Variants in IL7 observed in about 807,000 individuals in gnomAD.
The protein encoded by IL7 is interleukin-7.
IL7 carries 3 observed loss-of-function variants against 21.6 expected under a neutral mutation model. That is an observed-to-expected ratio of 0.14 (90% CI 0.06 to 0.36). The LOEUF is 0.36. IL7 is among the 10% of genes least tolerant of loss of function. The pLI, the probability that IL7 is intolerant of heterozygous loss-of-function variation, is 1.00. For synonymous variants in IL7, 62 were observed against 68.1 expected (o/e 0.91, Z 0.44); for missense variants, 175 against 200.2 (o/e 0.87, Z 0.76).
chr8:78,764,299 T>G lies in IL7; in HGVS notation c.148-24217A>C, dbSNP rs148414672. Among the ~76,000 whole-genome samples, 1,071 of 152,198 alleles carry G rather than the reference T, an allele frequency of 7.0e-3. 9 individuals are homozygous for G. Among genetic ancestry groups the G allele is most frequent in the Middle Eastern group, 0.02 (6 of 294 alleles). On this transcript the variant is annotated intron_variant, in intron 2 of 5. Transcript: ENST00000263851. ...TAAAAAAAAAGCTATCTCCCTTCAC[T>G]TCAGCTTTCAACATCTTACTGCAAA...
chr8:78,803,357 A>G (rs1411300286), intron 1 of IL7, among the ~76,000 whole-genome samples: 3 of 152,166 alleles, frequency 2.0e-5, no homozygotes, highest in African/African-American at 4.8e-5. Context: ...CCCAAACCAG[A>G]TAAGACAGTT....
chr8:78,781,822 T>C (rs1040020798), intron 2 of IL7, among the ~76,000 whole-genome samples: 4 of 152,188 alleles, frequency 2.6e-5, no homozygotes, highest in Non-Finnish European at 5.9e-5. Flanking sequence ...TTTTCCAAGT[T>C]AGTTCAATTC....
intron 1 of IL7, 37 bp from the exon 2 acceptor site, chr8:78,798,245 A>T: frequency 6.7e-7 from 1 of 1,488,956 alleles, no homozygotes. Flanking sequence ...GCTAAATGTT[A>T]TATCGTATTG....
chr8:78,715,144 A>T, downstream of IL7: 1 of 1,239,618 alleles, frequency 8.1e-7, no homozygotes, highest in Non-Finnish European at 1.1e-6. Context: ...TATTCTTTCT[A>T]GTCATGTGAA....
intron 3 of IL7, chr8:78,697,555 C>A: frequency 1.4e-6 from 2 of 1,420,154 alleles, no homozygotes; most frequent in African/African-American, 1.4e-5. Flanking sequence ...ACCATGTTGG[C>A]AGAGCAGGAA....
chr8:78,694,277 A>C (rs1344210488), intron 3 of IL7, among the ~76,000 whole-genome samples: 1 of 113,718 alleles, frequency 8.8e-6, no homozygotes, highest in African/African-American at 2.9e-5. Flanking sequence ...TTGTATGGAT[A>C]TGTTCCTTGT....
intron 2 of IL7, among the ~76,000 whole-genome samples, chr8:78,783,891 G>A (rs1465070667): frequency 6.6e-6 from 1 of 152,100 alleles, no homozygotes; most frequent in Non-Finnish European, 1.5e-5. Flanking sequence ...AGAAGAGAGT[G>A]TTCTGTTTTG....
chr8:78,743,714 T>C (rs1252715539), intron 2 of IL7, among the ~76,000 whole-genome samples: 1 of 152,200 alleles, frequency 6.6e-6, no homozygotes, highest in Non-Finnish European at 1.5e-5. Context: ...TCAGGCTTTT[T>C]GAGGTTTCAG....
chr8:78,706,464 G>A (rs1010808014), intron 3 of IL7, among the ~76,000 whole-genome samples: 4 of 152,148 alleles, frequency 2.6e-5, no homozygotes, highest in African/African-American at 9.7e-5. Context: ...GGCTTCACAA[G>A]GGCGTCTCTT....
At chr8:78,693,444 TC>T (rs1477171148) in intron 3 of IL7, among the ~76,000 whole-genome samples, 7 of 152,222 alleles carry the variant, frequency 4.6e-5, no homozygotes, top group African/African-American at 1.7e-4. Flanking sequence ...TGAGATGGTA[TC>T]TCATTGTGGT....
At position 78,782,829 on chromosome 8, in the gene IL7, C is replaced by G. The variant is rs112467400; in HGVS notation, c.147+15243G>C. ...ACAGAGACAACAGCCGCTCCTCCCC[C>G]CAGAAGCTCCATCCCAGGGGTATCA... is the stretch of plus-strand genomic sequence containing the variant. On this transcript the variant is annotated intron_variant, in intron 2 of 5. Coordinates refer to ENST00000263851, the MANE Select transcript of IL7 (RefSeq NM_000880.4). 3.5e-3 allele frequency among the ~76,000 whole-genome samples: 540 copies of G among 152,252 alleles called. 3 individuals are homozygous for G. The highest frequency in any genetic ancestry group is 0.012 in the African/African-American group (484 of 41,554).
At chr8:78,717,241 T>TTATA, downstream of IL7, 1 of 1,233,878 alleles carries the variant, frequency 8.1e-7, no homozygotes, top group Non-Finnish European at 1.1e-6. Flanking sequence ...AGGCTAATTG[T>TTATA]TATATTTATG....
downstream of IL7, among the ~76,000 whole-genome samples, chr8:78,714,623 A>G (rs1353397657): frequency 6.6e-6 from 1 of 152,142 alleles, no homozygotes; most frequent in East Asian, 1.9e-4. Context: ...TTTGATTCTT[A>G]AAGTTTCAAA....
At chr8:78,795,876 C>G (rs1813836254) in intron 2 of IL7, among the ~76,000 whole-genome samples, 1 of 151,978 alleles carries the variant, frequency 6.6e-6, no homozygotes, top group Admixed American at 6.6e-5. Context: ...AGCACAGTAT[C>G]TCTTTTTAGT....
At chr8:78,716,768 C>T (rs1447279912), downstream of IL7, among the ~76,000 whole-genome samples, 2 of 152,158 alleles carry the variant, frequency 1.3e-5, no homozygotes, top group African/African-American at 4.8e-5. Context: ...TAACCCTCAA[C>T]GTTAGAGGAG....
intron 3 of IL7, among the ~76,000 whole-genome samples, chr8:78,707,942 T>C (rs1485687541): frequency 6.6e-6 from 1 of 152,104 alleles, no homozygotes; most frequent in Non-Finnish European, 1.5e-5. Context: ...TATGTCTGCC[T>C]TGCTTCCATT....
chr8:78,735,276 C>CTTTTTTTTTTTTTTTTT, intron 5 of IL7, among the ~76,000 whole-genome samples: 90 of 78,292 alleles, frequency 1.1e-3, no homozygotes, highest in African/African-American at 1.8e-3. Context: ...CTTTTCTTTT[C>CTTTTTTTTTTTTTTTTT]TTTTTTTTTT....
chr8:78,686,422 A>T lies in IL7; in HGVS notation n.215-475T>A, dbSNP rs1000447918. On this transcript the variant is annotated intron_variant and non_coding_transcript_variant, in intron 3 of 4. Transcript: ENST00000523959. ...TGTTTTATTTCAATATACTAAAAAG[A>T]TACTGTTTGTTTATTTATTTATTTA... 2.4e-6 allele frequency: 3 copies of T among 1,252,186 alleles called. No homozygotes were observed. The African/African-American group carries it at 5.2e-5, about 22-fold the overall frequency. 77.6% of individuals were successfully genotyped at this position (1,252,186 alleles called of 1,614,324 possible).
chr8:78,804,940 C>T lies in IL7; in HGVS notation c.-18G>A. On this transcript the variant is annotated 5_prime_UTR_variant, in exon 1 of 6. Transcript: ENST00000263851. Reference sequence around the variant, plus strand: ...TGGAACATGGTCTGCGGGAGGCGGGCGTAGTCATGATGACCGCAACTGGAG... The same window carrying T: ...TGGAACATGGTCTGCGGGAGGCGGGTGTAGTCATGATGACCGCAACTGGAG... 4 of 1,611,164 alleles carry T rather than the reference C, an allele frequency of 2.5e-6. No individual in the cohort carries two copies. The highest frequency in any genetic ancestry group is 3.4e-6 in the Non-Finnish European group (4 of 1,178,216).
Sources: allele counts gnomAD v4.1 joint callset (sites outside exome capture counted in the v4.1 genomes callset), GRCh38; gene constraint gnomAD v4.1.1; transcripts MANE v1.5; gene names NCBI Gene and HGNC (gene_info 2026-07-23, HGNC 2026-07-21).